Variants in LRP1B observed in about 807,000 individuals in gnomAD.
LRP1B encodes LDL receptor related protein 1B.
In LRP1B, 217 loss-of-function variants were observed where a neutral mutation model predicts 556.6. The observed-to-expected ratio is 0.39, with a 90% CI of 0.35 to 0.44. The LOEUF (loss-of-function observed/expected upper bound fraction) is 0.44. Among genes scored for constraint, LRP1B ranks in the 20% least tolerant of loss-of-function variants. The pLI is 1.00. For missense variants in LRP1B, 5,053 were observed against 5,620.8 expected, an observed-to-expected ratio of 0.90 and a Z score of 3.23; for synonymous variants, 2,047 against 1,865.8, an observed-to-expected ratio of 1.10 and a Z score of -2.50.
At chr2:141,846,590 A>T (rs1008412658) in intron 1 of LRP1B, among the ~76,000 whole-genome samples, 1 of 151,606 alleles carries the variant, frequency 6.6e-6, no homozygotes, top group African/African-American at 2.4e-5. Context: ...ACTATAAAAC[A>T]TATTTATACA....
intron 7 of LRP1B, among the ~76,000 whole-genome samples, chr2:141,084,866 G>T (rs1412255702): frequency 1.3e-5 from 2 of 151,932 alleles, no homozygotes; most frequent in Non-Finnish European, 2.9e-5. Flanking sequence ...AGCCAGGATG[G>T]TCTCGATCTC....
Position 141,699,855 on chromosome 2 carries a change from A to T in LRP1B, c.205+110424T>A, listed in dbSNP as rs116810365. Among the ~76,000 whole-genome samples the T allele has an allele frequency of 3.3e-3, 495 of 148,994 alleles. 1 individual carries two copies. The highest frequency in any genetic ancestry group is 0.011 in the African/African-American group (454 of 40,402). On this transcript the variant is annotated intron_variant, in intron 2 of 90. Transcript: ENST00000389484. ...TGAAACCGTTGACACTAGAAATGGT[A>T]AAAGCAAAACTGGCATTACGAGATA...
At chr2:141,215,986 A>G (rs1337446131) in intron 6 of LRP1B, among the ~76,000 whole-genome samples, 3 of 152,218 alleles carry the variant, frequency 2.0e-5, no homozygotes, top group African/African-American at 7.2e-5. Flanking sequence ...TTGCATAACT[A>G]AAAAGGAGCC....
intron 20 of LRP1B, among the ~76,000 whole-genome samples, chr2:140,936,744 G>A (rs944016462): frequency 7.2e-5 from 11 of 152,012 alleles, no homozygotes; most frequent in African/African-American, 2.4e-4. Flanking sequence ...TAGTATTATT[G>A]TACCTTTTGT....
At chr2:142,035,067 A>G (rs1703833281) in intron 1 of LRP1B, among the ~76,000 whole-genome samples, 1 of 151,788 alleles carries the variant, frequency 6.6e-6, no homozygotes, top group Admixed American at 6.6e-5. Context: ...TTTTAGTGAT[A>G]TAATTAATAT....
chr2:141,894,635 T>TAGATCTAGATCTAGATCTAGATCTAGATC (rs1699386754), intron 1 of LRP1B, among the ~76,000 whole-genome samples: 1 of 147,718 alleles, frequency 6.8e-6, no homozygotes, highest in African/African-American at 2.5e-5. Flanking sequence ...AATAGAATAT[T>TAGATCTAGATCTAGATCTAGATCTAGATC]TAGATCTAGA....
At chr2:141,137,519 T>A (rs977182868) in intron 7 of LRP1B, among the ~76,000 whole-genome samples, 1 of 152,014 alleles carries the variant, frequency 6.6e-6, no homozygotes, top group African/African-American at 2.4e-5. Flanking sequence ...AATGATGTTT[T>A]GAAGCATGTA....
rs116110541 is a variant in LRP1B at position 141,830,198 on chromosome 2, C to T, written c.83-19797G>A. Among the ~76,000 whole-genome samples the T allele has an allele frequency of 3.2e-3, 482 of 151,932 alleles. 1 individual carries two copies. The highest frequency in any genetic ancestry group is 0.011 in the African/African-American group (458 of 41,496). Reference sequence around the variant, plus strand: ...GTAACCTTAGAAATTTCTCCTTAAGCAGACTACTTATAGAAGAAAATAGAA... The same window carrying T: ...GTAACCTTAGAAATTTCTCCTTAAGTAGACTACTTATAGAAGAAAATAGAA... On this transcript the variant is annotated intron_variant, in intron 1 of 90. Coordinates refer to ENST00000389484, the MANE Select transcript of LRP1B (RefSeq NM_018557.3).
At chr2:140,554,266 G>T (rs1445672289) in intron 43 of LRP1B, among the ~76,000 whole-genome samples, 1 of 151,978 alleles carries the variant, frequency 6.6e-6, no homozygotes, top group Non-Finnish European at 1.5e-5. Context: ...GATTATGGAG[G>T]TGTTATAGCC....
chr2:140,715,836 T>C lies in LRP1B; in HGVS notation c.6023+137A>G, dbSNP rs749500406. On this transcript the variant is annotated intron_variant, in intron 37 of 90. Transcript: ENST00000389484. ...CTAAATTATATGAACAAAGTGAATA[T>C]AAACATTTTTTTCTGCTTAGGTAAG... 459 of 559,124 alleles carry C rather than the reference T, an allele frequency of 8.2e-4. 2 individuals carry two copies. The highest frequency in any genetic ancestry group is 1.3e-3 in the Non-Finnish European group (429 of 337,394). The allele number at this position is 559,124 out of a possible 1,614,324, so 34.6% of individuals were successfully genotyped here.
chr2:140,808,114 A>G (rs996979044), intron 32 of LRP1B, among the ~76,000 whole-genome samples: 1 of 147,694 alleles, frequency 6.8e-6, no homozygotes, highest in African/African-American at 2.5e-5. Flanking sequence ...AAATAAAATA[A>G]AAATAAAAAT....
At chr2:141,809,519 T>C (rs985895906) in intron 2 of LRP1B, among the ~76,000 whole-genome samples, 1 of 152,178 alleles carries the variant, frequency 6.6e-6, no homozygotes, top group Non-Finnish European at 1.5e-5. Context: ...GGACTGTTCA[T>C]ACCCCTTATG....
chr2:140,661,093 G>T (rs890576868), intron 41 of LRP1B, among the ~76,000 whole-genome samples: 15 of 151,862 alleles, frequency 9.9e-5, no homozygotes, highest in African/African-American at 3.6e-4. Context: ...TTATGCCAAA[G>T]ATATTAAATT....
At chr2:141,354,981 T>A (rs1248741374) in intron 3 of LRP1B, among the ~76,000 whole-genome samples, 3 of 152,096 alleles carry the variant, frequency 2.0e-5, no homozygotes, top group Non-Finnish European at 4.4e-5. Context: ...ATAACTCATT[T>A]TCCTTTTATT....
At chr2:140,616,264 A>G (rs548360184) in intron 41 of LRP1B, among the ~76,000 whole-genome samples, 20 of 152,128 alleles carry the variant, frequency 1.3e-4, no homozygotes, top group African/African-American at 4.8e-4. Context: ...ACAATATGAA[A>G]CAATGCTTTA....
chr2:142,011,436 C>A (rs923187238), intron 1 of LRP1B, among the ~76,000 whole-genome samples: 13 of 152,222 alleles, frequency 8.5e-5, no homozygotes, highest in African/African-American at 3.1e-4. Context: ...AGCGTAGTAA[C>A]CCCTTTTCTT....
At chr2:141,418,610 C>A (rs1441578533) in intron 3 of LRP1B, among the ~76,000 whole-genome samples, 1 of 152,020 alleles carries the variant, frequency 6.6e-6, no homozygotes, top group Admixed American at 6.6e-5. Flanking sequence ...CATAGCAGTA[C>A]TACACAGCTT....
At chr2:142,063,866 A>C (rs2104897640) in intron 1 of LRP1B, among the ~76,000 whole-genome samples, 1 of 151,768 alleles carries the variant, frequency 6.6e-6, no homozygotes, top group African/African-American at 2.4e-5. Context: ...AGGTTGAATC[A>C]TGTCTCCACC....
At chr2:141,636,972 A>G (rs1030405686) in intron 2 of LRP1B, among the ~76,000 whole-genome samples, 1 of 152,150 alleles carries the variant, frequency 6.6e-6, no homozygotes. Flanking sequence ...AGTCCTGGGA[A>G]GAGACTGAGT....
Sources: allele counts gnomAD v4.1 joint callset (sites outside exome capture counted in the v4.1 genomes callset), GRCh38; gene constraint gnomAD v4.1.1; transcripts MANE v1.5; gene names NCBI Gene and HGNC (gene_info 2026-07-23, HGNC 2026-07-21).